Variants in GLB1L2 observed in about 807,000 individuals in gnomAD.
GLB1L2 encodes the protein galactosidase beta 1 like 2.
Under a neutral mutation model 84.1 loss-of-function variants are expected in GLB1L2, and 68 were observed. The ratio of observed to expected loss-of-function variants is 0.81; its 90% CI spans 0.67 to 0.99. The LOEUF (loss-of-function observed/expected upper bound fraction) is 0.99. Ranked by LOEUF, GLB1L2 falls within the 50% of genes least tolerant of loss-of-function variation. The probability of loss-of-function intolerance (pLI) is 0.00; values close to 1 mark genes in which losing one functional copy is unlikely to be tolerated. For missense variants in GLB1L2, 762 were observed against 805.6 expected (o/e 0.95, Z 0.66); for synonymous variants, 290 against 318.0 (o/e 0.91, Z 0.94).
At chr11:134,371,621 T>C in intron 14 of GLB1L2, 129 bp downstream of exon 14, 5 of 1,059,148 alleles carry the variant, frequency 4.7e-6, no homozygotes, top group Non-Finnish European at 7.3e-6. Flanking sequence ...AGAGGGCGAG[T>C]GTGGCTTTCT....
intron 1 of GLB1L2, among the ~76,000 whole-genome samples, chr11:134,333,442 G>T (rs1343827158): frequency 6.6e-6 from 1 of 152,190 alleles, no homozygotes; most frequent in Non-Finnish European, 1.5e-5. Context: ...AGATCCTCCT[G>T]CATACAGCAG....
intron 6 of GLB1L2, among the ~76,000 whole-genome samples, chr11:134,357,295 C>T (rs1943717498): frequency 6.6e-6 from 1 of 152,206 alleles, no homozygotes; most frequent in Admixed American, 6.5e-5. Flanking sequence ...CGTGGGAGAC[C>T]GAGGCTCAGT....
At chr11:134,333,219 T>C (rs1056589720) in intron 1 of GLB1L2, among the ~76,000 whole-genome samples, 3 of 152,284 alleles carry the variant, frequency 2.0e-5, no homozygotes, top group East Asian at 3.9e-4. Flanking sequence ...ATGATATTGT[T>C]TGGGAGAAGG....
intron 15 of GLB1L2, chr11:134,372,345 A>G (rs1943965874): frequency 6.4e-6 from 1 of 155,300 alleles, no homozygotes; most frequent in South Asian, 2.0e-4. Flanking sequence ...AATTTGCTTT[A>G]TGTTTCCTGG....
At chr11:134,373,871 G>C in intron 16 of GLB1L2, 63 bp downstream of exon 16, 1 of 1,200,478 alleles carries the variant, frequency 8.3e-7, no homozygotes, top group South Asian at 1.3e-5. Flanking sequence ...GTGGGGCCCA[G>C]GGGTCCCTGG....
At chr11:134,355,576 C>T (rs1368317004) in intron 5 of GLB1L2, among the ~76,000 whole-genome samples, 1 of 152,182 alleles carries the variant, frequency 6.6e-6, no homozygotes, top group Non-Finnish European at 1.5e-5. Context: ...GTGTGCTTCC[C>T]TCCCTACCTC....
At chr11:134,367,932 C>G (rs1359860149) in intron 9 of GLB1L2, among the ~76,000 whole-genome samples, 1 of 152,196 alleles carries the variant, frequency 6.6e-6, no homozygotes, top group Non-Finnish European at 1.5e-5. Flanking sequence ...GGTGAGCATC[C>G]CGGAGCCTGC....
rs1442946444 is a variant in GLB1L2 at position 134,342,758 on chromosome 11, G to C, written c.91G>C (p.Asp31His). The C allele has an allele frequency of 1.9e-6, 3 of 1,613,504 alleles. No homozygotes were observed. Among genetic ancestry groups the C allele is most frequent in the Middle Eastern group, 1.7e-4 (1 of 6,024 alleles). The change falls in exon 2 of 19, where the codon GAC becomes CAC. Residue 31 changes from aspartate to histidine, a missense_variant. Around this residue, in one of 3 missense-constraint regions of GLB1L2, gnomAD observed 100 missense variants for 88.8 expected, o/e 1.13. Transcript: ENST00000535456. Reference protein sequence around the residue: ...VLGFLVLRRLDWSTLVPLRLR... With the variant: ...VLGFLVLRRLHWSTLVPLRLR... ...AGAATGTCTTTGTCTTTCCAGGCTGGACTGGAGCACCCTGGTCCCTCTGCG... is the reference window on the plus strand; with the variant it reads ...AGAATGTCTTTGTCTTTCCAGGCTGCACTGGAGCACCCTGGTCCCTCTGCG...
chr11:134,365,697 G>C (rs921249621), intron 8 of GLB1L2, among the ~76,000 whole-genome samples: 2 of 152,212 alleles, frequency 1.3e-5, no homozygotes, highest in Non-Finnish European at 2.9e-5. Context: ...CAGCTGTCCT[G>C]CTAACAGAAT....
At position 134,334,864 on chromosome 11, in the gene GLB1L2, C is replaced by A. The variant is rs1943357278; in HGVS notation, c.86+2717C>A. ...GCCTTTGAGCCAGTTGCCTTTCATT[C>A]TCTTCCTATTCGCACTCCATGAACA... On this transcript the variant is annotated intron_variant, in intron 1 of 18. Transcript: ENST00000535456. This position sits in a 1 kb window ranked among gnomAD's most constrained non-coding sequence, Gnocchi z 4.1. Among the ~76,000 whole-genome samples the A allele has an allele frequency of 6.6e-6, 1 of 152,186 alleles. No individual in the cohort carries two copies. Among genetic ancestry groups the A allele is most frequent in the Admixed American group, 6.5e-5 (1 of 15,286 alleles).
At position 134,339,942 on chromosome 11, in the gene GLB1L2, T is replaced by C. The variant is rs1943438759; in HGVS notation, c.87-2812T>C. Among the ~76,000 whole-genome samples the C allele has an allele frequency of 6.6e-6, 1 of 152,174 alleles. No homozygotes were observed. The highest frequency in any genetic ancestry group is 1.5e-5 in the Non-Finnish European group (1 of 68,026). ...CCCTGAGGGAGTTCAGAGGTGTGGC[T>C]GTCTATAGACCACACCTGGAGAAGT... On this transcript the variant is annotated intron_variant, in intron 1 of 18. Transcript: ENST00000535456. The surrounding 1 kb of genome is among the most constrained non-coding windows in gnomAD (Gnocchi z 5.7).
intron 10 of GLB1L2, among the ~76,000 whole-genome samples, chr11:134,369,235 C>T (rs1943906808): frequency 6.6e-6 from 1 of 152,220 alleles, no homozygotes; most frequent in Admixed American, 6.5e-5. Context: ...CTCTGACACC[C>T]AGGCTGGAGT....
intron 4 of GLB1L2, among the ~76,000 whole-genome samples, chr11:134,345,892 A>C (rs1000789620): frequency 1.8e-4 from 28 of 152,218 alleles, no homozygotes; most frequent in Non-Finnish European, 7.3e-5. Flanking sequence ...CACGTGTGTC[A>C]TCTTCCCAGT....
At position 134,368,803 on chromosome 11, in the gene GLB1L2, T is replaced by C. The variant is rs760266441; in HGVS notation, c.1027+22T>C. The C allele has an allele frequency of 5.6e-6, 9 of 1,611,952 alleles. No homozygotes were observed. The Admixed American group carries it at 6.7e-5, about 12-fold the overall frequency. The stretch of plus-strand genomic sequence containing the variant: ...TATGGCAAGTATTCATCAGCACTGC[T>C]CTCCCTGGTCTGCCCTGCATGGGCA... On this transcript the variant is annotated intron_variant, in intron 10 of 18. Coordinates refer to ENST00000535456, the MANE Select transcript of GLB1L2 (RefSeq NM_001370461.1).
rs201277252 is a variant in GLB1L2 at position 134,374,707 on chromosome 11, G to C, written c.1813G>C (p.Gly605Arg). ...LYLPGPWLSS[G>R]INQVIVFEET... ...CCTCCCAGGTCCCTGGTTGAGCAGC[G>C]GAATCAACCAGGTGGGAGCTTCCAG... is the stretch of plus-strand genomic sequence containing the variant. Residue 605 changes from glycine (G) to arginine (R), a missense_variant, in exon 18 of 19, where the codon GGA (glycine) becomes CGA (arginine). Physicochemically the swap from Gly to Arg is moderately radical, Grantham distance 125 (BLOSUM62 -2). Around this residue, in one of 3 missense-constraint regions of GLB1L2, gnomAD observed 603 missense variants for 611.7 expected, o/e 0.99. Transcript: ENST00000535456. 1.9e-6 allele frequency: 3 copies of C among 1,611,756 alleles called. No homozygotes were observed. In the South Asian group the frequency reaches 3.3e-5, roughly 18 times the overall value.
chr11:134,336,539 T>TA (rs1439680190), intron 1 of GLB1L2, among the ~76,000 whole-genome samples: 1 of 152,240 alleles, frequency 6.6e-6, no homozygotes, highest in Non-Finnish European at 1.5e-5. Context: ...CTGCTGCAGA[T>TA]ATCTGTTGGA....
At chr11:134,347,280 C>T (rs1259799533) in intron 4 of GLB1L2, 45 bp from the exon 5 acceptor site, 8 of 1,437,354 alleles carry the variant, frequency 5.6e-6, no homozygotes, top group African/African-American at 1.4e-5. Context: ...ACAGCAAACC[C>T]ACTGTGACAC....
At chr11:134,371,400 C>A in intron 13 of GLB1L2, 21 bp from the exon 14 acceptor site, 1 of 1,497,184 alleles carries the variant, frequency 6.7e-7, no homozygotes, top group South Asian at 1.1e-5. Flanking sequence ...CATGGATGTT[C>A]CTGCCTGTTC....
chr11:134,368,588 G>T, intron 9 of GLB1L2, 56 bp from the exon 10 acceptor site: 1 of 1,598,946 alleles, frequency 6.3e-7, no homozygotes. Context: ...AAGGGACCCC[G>T]GCTCATCTCA....
Sources: allele counts gnomAD v4.1 joint callset (sites outside exome capture counted in the v4.1 genomes callset), GRCh38; gene constraint gnomAD v4.1.1; regional missense constraint gnomAD v4.1.1; non-coding constraint Gnocchi (gnomAD v3.1); transcripts MANE v1.5; gene names NCBI Gene and HGNC (gene_info 2026-07-23, HGNC 2026-07-21).